The following IPP variants were observed in gnomAD, a reference collection of about 807,000 sequenced individuals.
IPP encodes the protein intracisternal A particle-promoted polypeptide.
In IPP, 41 loss-of-function variants were observed where a neutral mutation model predicts 64.1. The observed-to-expected ratio is 0.64, with a 90% CI of 0.50 to 0.83. The LOEUF (loss-of-function observed/expected upper bound fraction) is 0.83, where lower values mean the gene tolerates loss of function less well. IPP is among the 40% of genes least tolerant of loss of function. The pLI is 0.00. For missense variants in IPP, 649 were observed against 703.0 expected (o/e 0.92, Z 0.87); for synonymous variants, 214 against 235.2 (o/e 0.91, Z 0.83).
chr1:45,737,302 T>C (rs139418153), intron 3 of IPP, among the ~76,000 whole-genome samples: 13 of 152,218 alleles, frequency 8.5e-5, no homozygotes, highest in African/African-American at 2.4e-4. Flanking sequence ...GAATAAGATG[T>C]ATTCCTTATT....
At chr1:45,703,091 T>C (rs1295991846) in intron 8 of IPP, among the ~76,000 whole-genome samples, 1 of 151,822 alleles carries the variant, frequency 6.6e-6, no homozygotes, top group Non-Finnish European at 1.5e-5. Context: ...CAATCTTTTT[T>C]GTTCGTTTGT....
chr1:45,746,959 C>T (rs28584711), intron 1 of IPP, among the ~76,000 whole-genome samples: 26,252 of 152,072 alleles, frequency 0.17, 2,722 homozygotes, highest in Non-Finnish European at 0.23. Context: ...CCTCCAGGAA[C>T]CTTTCCCCAT....
At chr1:45,705,246 C>T (rs1186010208) in intron 8 of IPP, among the ~76,000 whole-genome samples, 2 of 152,238 alleles carry the variant, frequency 1.3e-5, no homozygotes, top group East Asian at 1.9e-4. Flanking sequence ...TAAGTGTGTA[C>T]ATCTTGGTTT....
At chr1:45,698,701 G>C (rs1645409258), downstream of IPP, 1 of 923,796 alleles carries the variant, frequency 1.1e-6, no homozygotes, top group Non-Finnish European at 1.3e-6. Context: ...TAGCAAAAAA[G>C]GAAGAATTTT....
Position 45,744,771 on chromosome 1 carries a change from G to A in IPP, c.292+1349C>T, listed in dbSNP as rs528026708. Among the ~76,000 whole-genome samples, 37 of 151,788 alleles carry A rather than the reference G, an allele frequency of 2.4e-4. No homozygotes were observed. The East Asian group carries it at 4.3e-3, about 17-fold the overall frequency. The stretch of plus-strand genomic sequence containing the variant: ...GGAGAATCACTTGAACCTGGGAGGC[G>A]GAGGTTGCAGTGAGCCGAGACCACG... On this transcript the variant is annotated intron_variant, in intron 2 of 8. Transcript: ENST00000396478.
intron 8 of IPP, among the ~76,000 whole-genome samples, chr1:45,704,028 T>G (rs1185777808): frequency 1.3e-5 from 2 of 152,020 alleles, no homozygotes; most frequent in Admixed American, 6.6e-5. Context: ...ACCTCCTGTC[T>G]CCTACCTTTC....
At chr1:45,711,540 G>A (rs1645590895) in intron 8 of IPP, among the ~76,000 whole-genome samples, 1 of 152,096 alleles carries the variant, frequency 6.6e-6, no homozygotes, top group African/African-American at 2.4e-5. Flanking sequence ...GATCACTTGA[G>A]GTCAGGAGTT....
chr1:45,717,290 C>T (rs1442124968), intron 6 of IPP, among the ~76,000 whole-genome samples: 1 of 128,928 alleles, frequency 7.8e-6, no homozygotes, highest in Non-Finnish European at 1.7e-5. Context: ...AAGACTAAAA[C>T]AAAACAAAAC....
At chr1:45,696,162 T>A (rs1334376735), downstream of IPP, among the ~76,000 whole-genome samples, 1 of 152,234 alleles carries the variant, frequency 6.6e-6, no homozygotes, top group East Asian at 1.9e-4. Context: ...AATTGCCTAA[T>A]TTTACTTAAA....
intron 7 of IPP, among the ~76,000 whole-genome samples, chr1:45,714,796 T>A (rs1011705569): frequency 4.1e-5 from 3 of 72,716 alleles, no homozygotes; most frequent in Non-Finnish European, 8.8e-5. Flanking sequence ...AACATGGATT[T>A]TTTTTTCCCT....
chr1:45,731,849 T>C (rs1645910076), intron 3 of IPP, among the ~76,000 whole-genome samples: 1 of 151,256 alleles, frequency 6.6e-6, no homozygotes, highest in Admixed American at 6.6e-5. Flanking sequence ...GGCAGCAGAA[T>C]TGCTTGAACC....
chr1:45,708,784 C>T (rs969428689), intron 8 of IPP, among the ~76,000 whole-genome samples: 5 of 151,248 alleles, frequency 3.3e-5, no homozygotes, highest in African/African-American at 1.2e-4. Context: ...GTAATCCCAG[C>T]ACTTTGGGAG....
downstream of IPP, among the ~76,000 whole-genome samples, chr1:45,695,208 AG>A (rs990744856): frequency 1.3e-5 from 2 of 152,180 alleles, no homozygotes; most frequent in African/African-American, 4.8e-5. Context: ...ACTCTTGCTC[AG>A]GCCAGAGTGT....
At chr1:45,718,837 C>T (rs908177488) in intron 6 of IPP, among the ~76,000 whole-genome samples, 8 of 150,004 alleles carry the variant, frequency 5.3e-5, no homozygotes, top group African/African-American at 2.0e-4. Context: ...AGGATGGTTA[C>T]CAGAGGCTGG....
In IPP at chr1:45,727,637, T is replaced by A; in HGVS notation, c.1042A>T (p.Ile348Phe). The A allele has an allele frequency of 1.3e-6, 2 of 1,542,104 alleles. No homozygotes were observed. Among genetic ancestry groups the A allele is most frequent in the East Asian group, 2.3e-5 (1 of 43,902 alleles). Residue 348 changes from isoleucine (I) to phenylalanine (F), a missense_variant, in exon 5 of 9, where the codon ATT becomes TTT. Physicochemically the swap from Ile to Phe is conservative, Grantham distance 21. Transcript: ENST00000396478. The part of the protein sequence containing the change: ...VTVLGGMVYA[I>F]GGEKDSMIFD... ...AAGACATTTTTATTATTACCTCCAATAGCGTAGACCATCCCTCCCAGAACT... is the reference window on the plus strand; with the variant it reads ...AAGACATTTTTATTATTACCTCCAAAAGCGTAGACCATCCCTCCCAGAACT...
Position 45,699,740 on chromosome 1 carries a change from A to T in IPP, c.*226T>A. 1 of 1,275,434 alleles carries T rather than the reference A, an allele frequency of 7.8e-7. No individual in the cohort carries two copies. Among genetic ancestry groups the T allele is most frequent in the Non-Finnish European group, 1.0e-6 (1 of 976,370 alleles). The allele number at this position is 1,275,434 out of a possible 1,614,324, so 79.0% of individuals were successfully genotyped here. A position where few individuals can be genotyped will look rare whatever the true frequency, so the allele number is the denominator to read the frequency against. On this transcript the variant is annotated 3_prime_UTR_variant, in exon 9 of 9. Transcript: ENST00000396478. The stretch of plus-strand genomic sequence containing the variant: ...TGCAGTGGCATGATCGTAGCTTACT[A>T]CAACCTCAAATTCCTGGGCTCAAGT...
At chr1:45,725,837 A>C (rs1487342171) in intron 5 of IPP, among the ~76,000 whole-genome samples, 1 of 136,460 alleles carries the variant, frequency 7.3e-6, no homozygotes, top group Admixed American at 7.7e-5. Context: ...CTCAGAGTTA[A>C]ATGGATTAAG....
chr1:45,703,263 A>AT (rs898480351), intron 8 of IPP, among the ~76,000 whole-genome samples: 8 of 147,272 alleles, frequency 5.4e-5, no homozygotes, highest in African/African-American at 1.8e-4. Flanking sequence ...TAATTTTCAC[A>AT]TTTTTTATAG....
At position 45,714,996 on chromosome 1, in the gene IPP, G is replaced by A. The variant is rs79393591; in HGVS notation, c.1310-530C>T. Among the ~76,000 whole-genome samples, 84 of 151,914 alleles carry A rather than the reference G, an allele frequency of 5.5e-4. No individual in the cohort carries two copies. In the East Asian group the frequency reaches 0.013, roughly 24 times the overall value. ...CAATCCCAGTACTTTGGGAGGACAG[G>A]GCAGGCGGATCACTTGAGCTTGAGA... On this transcript the variant is annotated intron_variant, in intron 7 of 8. Transcript: ENST00000396478.
Sources: allele counts gnomAD v4.1 joint callset (sites outside exome capture counted in the v4.1 genomes callset), GRCh38; gene constraint gnomAD v4.1.1; transcripts MANE v1.5; gene names NCBI Gene and HGNC (gene_info 2026-07-23, HGNC 2026-07-21).